SIRT4: variants seen among roughly 807,000 people sequenced by gnomAD.
The protein encoded by SIRT4 is sirtuin 4.
SIRT4 carries 23 observed loss-of-function variants against 26.1 expected under a neutral mutation model. That is an observed-to-expected ratio of 0.88 (90% confidence interval 0.63 to 1.25). SIRT4 has a LOEUF of 1.25. Ranked by LOEUF, SIRT4 falls within the 50% of genes most tolerant of loss-of-function variation. SIRT4 has a pLI of 0.00. For synonymous variants in SIRT4, 155 were observed against 158.4 expected, an observed-to-expected ratio of 0.98 and a Z score of 0.16; for missense variants, 361 against 405.4, an observed-to-expected ratio of 0.89 and a Z score of 0.94.
At chr12:120,301,264 GA>G (rs1446387548), upstream of SIRT4, among the ~76,000 whole-genome samples, 4 of 152,196 alleles carry the variant, frequency 2.6e-5, no homozygotes, top group Non-Finnish European at 5.9e-5. Flanking sequence ...AGAATTGCTT[GA>G]ACCCGGGAGG....
chr12:120,296,662 C>CA, the SIRT4 span, among the ~76,000 whole-genome samples: 2 of 151,648 alleles, frequency 1.3e-5, no homozygotes, highest in African/African-American at 4.8e-5. Context: ...CACACACCAC[C>CA]ATGCCCAGCT....
intron 2 of SIRT4, among the ~76,000 whole-genome samples, chr12:120,305,739 G>A (rs1370171509): frequency 1.3e-5 from 2 of 152,194 alleles, no homozygotes; most frequent in Non-Finnish European, 2.9e-5. Context: ...TAGGCTGGGC[G>A]CGGCGGCTCA....
At chr12:120,308,766 AG>A (rs1872844069) in intron 2 of SIRT4, among the ~76,000 whole-genome samples, 1 of 152,210 alleles carries the variant, frequency 6.6e-6, no homozygotes, top group African/African-American at 2.4e-5. Context: ...ATAGCATTTG[AG>A]GAAGGCTAAA....
the SIRT4 span, chr12:120,293,068 C>A: frequency 8.6e-6 from 1 of 116,474 alleles, no homozygotes; most frequent in African/African-American, 3.0e-5. Context: ...CAAAAAAAGC[C>A]TCTGTTGTTC....
chr12:120,304,831 ATATATTTTTTTTTT>A (rs1193949135), intron 2 of SIRT4, among the ~76,000 whole-genome samples: 653 of 5,584 alleles, frequency 0.12, 11 homozygotes, highest in Middle Eastern at 0.33. Flanking sequence ...ATATATATAT[ATATATTTTTTTTTT>A]TTTTTTTTTT....
intron 2 of SIRT4, among the ~76,000 whole-genome samples, chr12:120,305,038 C>T (rs1280557294): frequency 6.6e-6 from 1 of 150,846 alleles, no homozygotes; most frequent in Admixed American, 6.6e-5. Context: ...CCTGTAATTC[C>T]AGCTACTCAG....
intron 2 of SIRT4, among the ~76,000 whole-genome samples, chr12:120,308,722 A>G (rs1164089973): frequency 1.3e-5 from 2 of 152,174 alleles, no homozygotes; most frequent in Non-Finnish European, 2.9e-5. Context: ...GGGGTTTATT[A>G]GTGGTTTCTG....
chr12:120,294,527 G>T, the SIRT4 span, among the ~76,000 whole-genome samples: 1 of 152,066 alleles, frequency 6.6e-6, no homozygotes, highest in Non-Finnish European at 1.5e-5. Flanking sequence ...AAAGTGCTGG[G>T]ATTACAGCCG....
chr12:120,298,196 CAAAAAAAAAAA>C (rs56752571), upstream of SIRT4, among the ~76,000 whole-genome samples: 4 of 21,060 alleles, frequency 1.9e-4, no homozygotes, highest in Non-Finnish European at 3.7e-4. Flanking sequence ...AACTCCATCT[CAAAAAAAAAAA>C]AAAAAAAAAA....
At chr12:120,304,507 A>G (rs2522139) in intron 2 of SIRT4, among the ~76,000 whole-genome samples, 135,655 of 151,850 alleles carry the variant, frequency 0.89, 60,879 homozygotes, top group East Asian at 1. Context: ...AAAATTAGCC[A>G]GTCGTGGTGG....
At chr12:120,309,929 C>T (rs1031853513) in intron 2 of SIRT4, among the ~76,000 whole-genome samples, 6 of 151,728 alleles carry the variant, frequency 4.0e-5, no homozygotes, top group South Asian at 2.1e-4. Flanking sequence ...GTTGGCCAGG[C>T]GGGTCTCAAA....
At chr12:120,311,767 G>A (rs780150544) in intron 2 of SIRT4, among the ~76,000 whole-genome samples, 62 of 144,618 alleles carry the variant, frequency 4.3e-4, no homozygotes, top group Non-Finnish European at 8.0e-4. Context: ...AAAAAAAAGA[G>A]GTGAGAAGAG....
chr12:120,305,571 G>T (rs561329698), intron 2 of SIRT4, among the ~76,000 whole-genome samples: 1 of 152,042 alleles, frequency 6.6e-6, no homozygotes, highest in South Asian at 2.1e-4. Flanking sequence ...TTGAAGCTAG[G>T]GTATTTATTC....
chr12:120,312,170 C>A (rs1212172606), intron 2 of SIRT4, among the ~76,000 whole-genome samples: 1 of 152,078 alleles, frequency 6.6e-6, no homozygotes, highest in Non-Finnish European at 1.5e-5. Flanking sequence ...GTAGTGCAGT[C>A]CCTGCCACTC....
chr12:120,291,797 A>G, the SIRT4 span: 54 of 152,318 alleles, frequency 3.5e-4, no homozygotes, highest in African/African-American at 1.1e-3. Context: ...GCCAATGCCG[A>G]CTATATTTCA....
At chr12:120,293,076 T>G in the SIRT4 span, 2 of 87,440 alleles carry the variant, frequency 2.3e-5, no homozygotes, top group African/African-American at 3.6e-5. Flanking sequence ...GCCTCTGTTG[T>G]TCAACTGCAA....
chr12:120,291,890 C>A, the SIRT4 span: 1 of 152,104 alleles, frequency 6.6e-6, no homozygotes, highest in Admixed American at 6.6e-5. Flanking sequence ...ACGATACTGC[C>A]ACTGCGCAAA....
Position 120,303,867 on chromosome 12 carries a change from C to T in SIRT4, c.306C>T (p.Arg102=), listed in dbSNP as rs1221073237. 6.2e-7 allele frequency: 1 copy of T among 1,614,196 alleles called. No individual in the cohort carries two copies. The highest frequency in any genetic ancestry group is 1.1e-5 in the South Asian group (1 of 91,084). Residue 102 remains arginine, a synonymous_variant, in exon 2 of 4, where the codon CGC becomes CGT. Coordinates refer to ENST00000202967, the MANE Select transcript of SIRT4 (RefSeq NM_012240.3). ...ATTTTGTCCGGAGTGCCCCAATCCG[C>T]CAGCGGTACTGGGCGAGAAACTTCG... ...HGDFVRSAPI[R]QRYWARNFVG... is the part of the protein sequence containing the mutation.
At chr12:120,297,229 AATAAATACATAC>A in the SIRT4 span, among the ~76,000 whole-genome samples, 83 of 108,818 alleles carry the variant, frequency 7.6e-4, no homozygotes, top group Admixed American at 1.5e-3. Flanking sequence ...TCTCAAAATA[AATAAATACATAC>A]ATACATACAT....
Sources: gnomAD v4.1 joint callset for allele counts (sites outside exome capture counted in the v4.1 genomes callset) on GRCh38, gnomAD v4.1.1 for gene constraint, MANE v1.5 for transcripts, NCBI Gene and HGNC (gene_info 2026-07-23, HGNC 2026-07-21) for gene names.